The following HOXD3 variants were observed in gnomAD, a reference collection of about 807,000 sequenced individuals.
HOXD3 encodes the protein homeobox protein Hox-D3.
HOXD3 carries 13 observed loss-of-function variants against 32.8 expected under a neutral mutation model. The observed-to-expected ratio is 0.40, with a 90% CI of 0.26 to 0.63. The LOEUF (loss-of-function observed/expected upper bound fraction) is 0.63, where lower values mean the gene tolerates loss of function less well. Ranked by LOEUF, HOXD3 falls within the 20% of genes least tolerant of loss-of-function variation. HOXD3 has a pLI of 0.44. For missense variants in HOXD3, 504 were observed against 577.1 expected (o/e 0.87, Z 1.30); for synonymous variants, 241 against 246.8 (o/e 0.98, Z 0.22).
chr2:176,164,343 G>T (rs1271131595), intron 2 of HOXD3, 175 bp downstream of exon 2: 1 of 152,172 alleles, frequency 6.6e-6, no homozygotes, highest in African/African-American at 2.4e-5. Context: ...TCAAATTTAT[G>T]GCGCTTTAAT....
intron 1 of HOXD3, among the ~76,000 whole-genome samples, chr2:176,158,080 G>C (rs1559136422): frequency 6.6e-6 from 1 of 152,102 alleles, no homozygotes; most frequent in Non-Finnish European, 1.5e-5. Flanking sequence ...CTCTCCCCCC[G>C]CTCCTCTCTC....
At chr2:176,163,565 G>T (rs953280794) in intron 1 of HOXD3, among the ~76,000 whole-genome samples, 1 of 152,284 alleles carries the variant, frequency 6.6e-6, no homozygotes, top group South Asian at 2.1e-4. Context: ...CTAGCGCCCA[G>T]GTCCTCTTCA....
At position 176,169,761 on chromosome 2, in the gene HOXD3, T is replaced by G; in HGVS notation, c.541+106T>G. 5.2e-6 allele frequency: 7 copies of G among 1,337,258 alleles called. No individual in the cohort carries two copies. The South Asian group carries it at 1.0e-4, about 19-fold the overall frequency. 82.8% of individuals were successfully genotyped at this position (1,337,258 alleles called of 1,614,324 possible). A position where few individuals can be genotyped will look rare whatever the true frequency, so the allele number is the denominator to read the frequency against. On this transcript the variant is annotated intron_variant, in intron 3 of 3. Transcript: ENST00000683222. The stretch of plus-strand genomic sequence containing the variant: ...AACCTTGGAGGTCATATGTCTAAAC[T>G]CCTACTCACGTCAAAATGTTCTTTT...
At chr2:176,162,395 G>A (rs1375485276) in intron 1 of HOXD3, among the ~76,000 whole-genome samples, 1 of 152,218 alleles carries the variant, frequency 6.6e-6, no homozygotes, top group Non-Finnish European at 1.5e-5. Context: ...TGAGGGATGA[G>A]GTGTAGGGTT....
At chr2:176,171,375 C>G in intron 3 of HOXD3, 142 bp from the exon 4 acceptor site, 1 of 769,350 alleles carries the variant, frequency 1.3e-6, no homozygotes, top group South Asian at 1.9e-5. Context: ...AATCATACCT[C>G]TCAAACGGCC....
chr2:176,157,478 C>A (rs1293046600), intron 1 of HOXD3, among the ~76,000 whole-genome samples, 26 bp downstream of exon 1: 1 of 152,186 alleles, frequency 6.6e-6, no homozygotes, highest in Non-Finnish European at 1.5e-5. Context: ...ACTTTTATTT[C>A]ATCAGATTTA....
upstream of HOXD3, chr2:176,152,623 C>T: frequency 6.2e-7 from 1 of 1,613,920 alleles, no homozygotes; most frequent in Non-Finnish European, 8.5e-7. The surrounding 1 kb of genome is among the most constrained non-coding windows in gnomAD (Gnocchi z 5.2). Context: ...CCCAACTACA[C>T]CGGTGGGGAA....
chr2:176,168,566 T>TAAAACAAAACAAAACAAAAC (rs71879647), intron 2 of HOXD3, among the ~76,000 whole-genome samples: 2,734 of 150,344 alleles, frequency 0.018, 103 homozygotes, highest in African/African-American at 0.064. Context: ...AAATTCCATC[T>TAAAACAAAACAAAACAAAAC]AAAACAAAAC....
chr2:176,160,031 C>T (rs1375905112), intron 1 of HOXD3, among the ~76,000 whole-genome samples: 1 of 152,242 alleles, frequency 6.6e-6, no homozygotes, highest in Non-Finnish European at 1.5e-5. Flanking sequence ...GGTGACTCGG[C>T]TGCTGAGTCC....
At chr2:176,156,796 GC>G (rs1434905951), upstream of HOXD3, among the ~76,000 whole-genome samples, 1 of 152,226 alleles carries the variant, frequency 6.6e-6, no homozygotes, top group Non-Finnish European at 1.5e-5. Flanking sequence ...AGATGGGGGT[GC>G]TTGTTCCAGA....
chr2:176,162,744 T>A (rs1378959791), intron 1 of HOXD3, among the ~76,000 whole-genome samples: 1 of 152,032 alleles, frequency 6.6e-6, no homozygotes, highest in East Asian at 1.9e-4. Flanking sequence ...ACCCTGTTCC[T>A]CCGCGGCTGG....
chr2:176,152,834 C>G (rs748948876), upstream of HOXD3: 2 of 1,614,080 alleles, frequency 1.2e-6, no homozygotes, highest in Admixed American at 1.7e-5. This position sits in a 1 kb window ranked among gnomAD's most constrained non-coding sequence, Gnocchi z 5.2. Context: ...ACACTAAAGG[C>G]AGGTCATCGT....
Position 176,169,107 on chromosome 2 carries a change from G to A in HOXD3, c.-8G>A. 1.3e-6 allele frequency: 2 copies of A among 1,599,532 alleles called. No homozygotes were observed. The highest frequency in any genetic ancestry group is 1.7e-6 in the Non-Finnish European group (2 of 1,172,498). The stretch of plus-strand genomic sequence containing the variant: ...TGGAGGTGGCAGTGAAGGATACAGT[G>A]GTAGTCAATGTTATTTGAGCAGGGT... On this transcript the variant is annotated 5_prime_UTR_variant, in exon 3 of 4. Coordinates refer to ENST00000683222, the MANE Select transcript of HOXD3 (RefSeq NM_006898.5).
chr2:176,155,840 T>C (rs564701884), upstream of HOXD3, among the ~76,000 whole-genome samples: 1 of 152,286 alleles, frequency 6.6e-6, no homozygotes, highest in Non-Finnish European at 1.5e-5. Flanking sequence ...GAGAGTGAAG[T>C]GTTTGCTGAG....
chr2:176,153,072 C>T (rs1651439497), upstream of HOXD3: 1 of 877,998 alleles, frequency 1.1e-6, no homozygotes, highest in South Asian at 1.5e-5. Flanking sequence ...AGCAGGCCGC[C>T]CTCGGACTAG....
chr2:176,160,427 A>C (rs1690763993), intron 1 of HOXD3, among the ~76,000 whole-genome samples: 1 of 152,136 alleles, frequency 6.6e-6, no homozygotes, highest in East Asian at 1.9e-4. Context: ...GTCGGCCCGG[A>C]GCTGCGAAAA....
chr2:176,160,180 A>AGGCCGCCTTGCCGGGGT (rs1690754349), intron 1 of HOXD3, among the ~76,000 whole-genome samples: 1 of 151,954 alleles, frequency 6.6e-6, no homozygotes, highest in South Asian at 2.1e-4. Context: ...CGCGGCGGGG[A>AGGCCGCCTTGCCGGGGT]GGCCGCCTTG....
chr2:176,171,112 C>T (rs1018730784), intron 3 of HOXD3, among the ~76,000 whole-genome samples: 1 of 152,110 alleles, frequency 6.6e-6, no homozygotes. Flanking sequence ...CCATACCCCA[C>T]CCCTGGCAGC....
At chr2:176,171,043 G>A (rs1574988199) in intron 3 of HOXD3, among the ~76,000 whole-genome samples, 1 of 152,100 alleles carries the variant, frequency 6.6e-6, no homozygotes, top group East Asian at 1.9e-4. Context: ...GGGGGGCTTT[G>A]CCCAGAGGCC....
Sources: allele counts gnomAD v4.1 joint callset (sites outside exome capture counted in the v4.1 genomes callset), GRCh38; gene constraint gnomAD v4.1.1; non-coding constraint Gnocchi (gnomAD v3.1); transcripts MANE v1.5; gene names NCBI Gene and HGNC (gene_info 2026-07-23, HGNC 2026-07-21).